Variants in CDH18 observed in about 807,000 individuals in gnomAD.
The protein encoded by CDH18 is cadherin-18.
In CDH18, 31 loss-of-function variants were observed where a neutral mutation model predicts 67.9. The observed-to-expected ratio is 0.46, with a 90% CI of 0.34 to 0.62. The LOEUF is 0.62. CDH18 is among the 20% of genes least tolerant of loss of function. The pLI is 0.01. For synonymous variants in CDH18, 362 were observed against 347.2 expected (o/e 1.04, Z -0.48); for missense variants, 890 against 975.5 (o/e 0.91, Z 1.17).
intron 1 of CDH18, among the ~76,000 whole-genome samples, chr5:20,432,855 C>G (rs1465864911): frequency 1.4e-4 from 21 of 150,598 alleles, no homozygotes; most frequent in Non-Finnish European, 1.5e-5. Context: ...AACATCTTAA[C>G]CCCTAAAAGT....
intron 2 of CDH18, among the ~76,000 whole-genome samples, chr5:19,961,232 A>G (rs929317879): frequency 1.3e-5 from 2 of 150,994 alleles, no homozygotes; most frequent in Non-Finnish European, 2.9e-5. Context: ...CCTCCCGAGT[A>G]GCTGGGATTA....
chr5:20,573,108 A>G (rs998307263), intron 1 of CDH18, among the ~76,000 whole-genome samples: 2 of 152,126 alleles, frequency 1.3e-5, no homozygotes, highest in Non-Finnish European at 2.9e-5. Context: ...ATGGGAAATC[A>G]AATTTCTTAC....
intron 2 of CDH18, among the ~76,000 whole-genome samples, chr5:19,942,904 T>C (rs1272440124): frequency 6.6e-6 from 1 of 152,122 alleles, no homozygotes; most frequent in Non-Finnish European, 1.5e-5. Flanking sequence ...TACTGGCACA[T>C]AGCAAACACA....
Position 19,730,680 on chromosome 5 carries a change from T to C in CDH18, c.524-9214A>G, listed in dbSNP as rs1581099454. Among the ~76,000 whole-genome samples the C allele has an allele frequency of 3.9e-5, 6 of 152,266 alleles. No individual in the cohort carries two copies. In the Middle Eastern group the frequency reaches 0.02, roughly 518 times the overall value. ...ATCTCAGCCACCTATGTGGACAATC[T>C]GTGGTTGTTTGGCATCACCACTATT... On this transcript the variant is annotated intron_variant, in intron 4 of 12. Transcript: ENST00000382275.
At chr5:19,621,335 A>G (rs1750666161) in intron 5 of CDH18, among the ~76,000 whole-genome samples, 1 of 151,794 alleles carries the variant, frequency 6.6e-6, no homozygotes, top group Non-Finnish European at 1.5e-5. Flanking sequence ...TGGCTCTCCA[A>G]CCTCATCAAC....
chr5:19,789,711 G>T (rs942984919), intron 3 of CDH18, among the ~76,000 whole-genome samples: 1 of 152,138 alleles, frequency 6.6e-6, no homozygotes, highest in African/African-American at 2.4e-5. Flanking sequence ...AAGCTCACTG[G>T]CCTTTTCCCA....
At chr5:20,241,766 G>A (rs1742915336) in intron 2 of CDH18, among the ~76,000 whole-genome samples, 1 of 151,136 alleles carries the variant, frequency 6.6e-6, no homozygotes, top group Non-Finnish European at 1.5e-5. Context: ...GCAGGAGAAT[G>A]GCGTGAACCC....
chr5:19,828,466 T>G (rs1780658505), intron 3 of CDH18, among the ~76,000 whole-genome samples: 1 of 152,148 alleles, frequency 6.6e-6, no homozygotes, highest in South Asian at 2.1e-4. Context: ...TTGATAAATT[T>G]ATACTCAGAA....
intron 2 of CDH18, among the ~76,000 whole-genome samples, chr5:19,887,731 T>G (rs1579438923): frequency 1.4e-5 from 2 of 146,636 alleles, no homozygotes; most frequent in African/African-American, 2.5e-5. Flanking sequence ...CACCATGTGT[T>G]TTTTTTTTTT....
chr5:19,489,413 A>T lies in CDH18; in HGVS notation c.1631-5861T>A, dbSNP rs553031844. On this transcript the variant is annotated intron_variant, in intron 11 of 12. Coordinates refer to ENST00000382275, the MANE Select transcript of CDH18 (RefSeq NM_004934.5). Reference sequence around the variant, plus strand: ...CAGGCGCCCGCCACCACACCTGGCTAATGTTTTGTATTTTTAGTAGAGACA... The same window carrying T: ...CAGGCGCCCGCCACCACACCTGGCTTATGTTTTGTATTTTTAGTAGAGACA... Among the ~76,000 whole-genome samples the T allele has an allele frequency of 3.3e-5, 5 of 151,798 alleles. No homozygotes were observed. The East Asian group carries it at 9.8e-4, about 30-fold the overall frequency.
chr5:19,746,879 A>G, intron 4 of CDH18, 63 bp downstream of exon 4: 1 of 1,381,666 alleles, frequency 7.2e-7, no homozygotes, highest in Non-Finnish European at 1.0e-6. Context: ...TTGGTATTCT[A>G]AAGATGACTT....
At chr5:19,854,484 A>ATGTC (rs1420021945) in intron 2 of CDH18, among the ~76,000 whole-genome samples, 1 of 152,140 alleles carries the variant, frequency 6.6e-6, no homozygotes, top group Admixed American at 6.6e-5. Context: ...TGTTCTTTTC[A>ATGTC]TGTCTCATGA....
intron 4 of CDH18, among the ~76,000 whole-genome samples, chr5:19,733,124 C>G (rs962807220): frequency 6.6e-6 from 1 of 152,070 alleles, no homozygotes; most frequent in Non-Finnish European, 1.5e-5. Flanking sequence ...CTAGGCATAC[C>G]AGGGGTGGGC....
intron 7 of CDH18, among the ~76,000 whole-genome samples, chr5:19,590,040 G>A (rs930287765): frequency 3.9e-5 from 6 of 151,982 alleles, no homozygotes; most frequent in African/African-American, 9.7e-5. Context: ...GTCTGTCCAC[G>A]TCCATAGATT....
At chr5:20,129,156 G>A (rs1749061934) in intron 2 of CDH18, among the ~76,000 whole-genome samples, 1 of 151,894 alleles carries the variant, frequency 6.6e-6, no homozygotes, top group African/African-American at 2.4e-5. Flanking sequence ...AGAAAAGGTT[G>A]ATTGAGACAG....
intron 1 of CDH18, among the ~76,000 whole-genome samples, chr5:20,474,148 C>G (rs982980135): frequency 1.3e-5 from 2 of 152,142 alleles, no homozygotes; most frequent in Admixed American, 6.6e-5. Context: ...TTCCAAGTAG[C>G]TTTATTAGTC....
chr5:20,277,937 T>C (rs1363906246), intron 1 of CDH18, among the ~76,000 whole-genome samples: 1 of 152,084 alleles, frequency 6.6e-6, no homozygotes, highest in Non-Finnish European at 1.5e-5. Flanking sequence ...TAAGTGAGCT[T>C]GAAGACAGGT....
chr5:19,829,160 CAT>C (rs1356249039), intron 3 of CDH18, among the ~76,000 whole-genome samples: 26 of 152,122 alleles, frequency 1.7e-4, no homozygotes, highest in East Asian at 1.9e-4. Context: ...CCAAAACAAA[CAT>C]GACCACTCAC....
intron 1 of CDH18, among the ~76,000 whole-genome samples, chr5:20,511,816 T>C (rs1206951574): frequency 6.6e-6 from 1 of 152,208 alleles, no homozygotes; most frequent in Non-Finnish European, 1.5e-5. Context: ...CAGTGTTTTG[T>C]TTTGTTTCAA....
Sources: gnomAD v4.1 joint callset for allele counts (sites outside exome capture counted in the v4.1 genomes callset) on GRCh38, gnomAD v4.1.1 for gene constraint, MANE v1.5 for transcripts, NCBI Gene and HGNC (gene_info 2026-07-23, HGNC 2026-07-21) for gene names.